P2RX7: variants seen among roughly 807,000 people sequenced by gnomAD.
P2RX7 encodes the protein P2X purinoceptor 7.
P2RX7 carries 62 observed loss-of-function variants against 71.6 expected under a neutral mutation model. The observed-to-expected ratio is 0.87, with a 90% CI of 0.71 to 1.07. The LOEUF is 1.07. Ranked by LOEUF, P2RX7 falls within the 50% of genes least tolerant of loss-of-function variation. The probability of loss-of-function intolerance (pLI) is 0.00; values close to 1 mark genes in which losing one functional copy is unlikely to be tolerated. For missense variants in P2RX7, 686 were observed against 748.5 expected, an observed-to-expected ratio of 0.92 and a Z score of 0.97; for synonymous variants, 299 against 283.3, an observed-to-expected ratio of 1.06 and a Z score of -0.56.
chr12:121,163,597 GTAGATAGATAGATAGA>G (rs3078807), intron 5 of P2RX7, among the ~76,000 whole-genome samples: 4,969 of 130,242 alleles, frequency 0.038, 90 homozygotes, highest in Non-Finnish European at 0.049. Context: ...AGATAGACAG[GTAGATAGATAGATAGA>G]TAGATAGATA....
intron 11 of P2RX7, among the ~76,000 whole-genome samples, chr12:121,179,368 C>CGG: frequency 6.6e-6 from 1 of 151,784 alleles, no homozygotes; most frequent in Non-Finnish European, 1.5e-5. Flanking sequence ...GGCATGGTGG[C>CGG]GCATGCCTGT....
At position 121,149,146 on chromosome 12, in the gene P2RX7, A is replaced by G. The variant is rs1876874331; in HGVS notation, c.126-5639A>G. Reference sequence around the variant, plus strand: ...TGTGACAGTCACTCATATTCAGAGCATGTGGATTGAGACTCTGAAGAACGA... The same window carrying G: ...TGTGACAGTCACTCATATTCAGAGCGTGTGGATTGAGACTCTGAAGAACGA... On this transcript the variant is annotated intron_variant, in intron 1 of 12. Transcript: ENST00000328963. The surrounding 1 kb of genome is among the most constrained non-coding windows in gnomAD (Gnocchi z 4.7). 2.1e-6 allele frequency: 1 copy of G among 485,860 alleles called. No individual in the cohort carries two copies. The allele number at this position is 485,860 out of a possible 1,614,324, so 30.1% of individuals were successfully genotyped here. A position where few individuals can be genotyped will look rare whatever the true frequency, so the allele number is the denominator to read the frequency against.
At chr12:121,160,410 G>A (rs567984133) in intron 3 of P2RX7, among the ~76,000 whole-genome samples, 1 of 152,278 alleles carries the variant, frequency 6.6e-6, no homozygotes, top group East Asian at 1.9e-4. Context: ...GCCTCCCAAA[G>A]TGCTGGGATT....
chr12:121,183,935 T>A (rs949993555), intron 12 of P2RX7, among the ~76,000 whole-genome samples: 4 of 152,052 alleles, frequency 2.6e-5, no homozygotes, highest in African/African-American at 9.7e-5. Flanking sequence ...CATGGTGGCA[T>A]GCACCTGTAA....
In P2RX7 at chr12:121,184,501, A is replaced by C. The variant is rs3751143; in HGVS notation, c.1487A>C (p.Glu496Ala). 294,123 of 1,613,952 alleles carry C rather than the reference A, an allele frequency of 0.18. 28,127 individuals are homozygous for C. Among genetic ancestry groups the C allele is most frequent in the South Asian group, 0.28 (25,646 of 91,066 alleles). Residue 496 changes from glutamate (E) to alanine (A), a missense_variant, in exon 13 of 13, where the codon GAG becomes GCG. Glu to Ala is a moderately radical substitution (Grantham distance 107). Transcript: ENST00000328963. The stretch of plus-strand genomic sequence containing the variant: ...CCTGAGAGCCACAGGTGCCTGGAGG[A>C]GCTGTGCTGCCGGAAAAAGCCGGGG... ...QLPESHRCLE[E>A]LCCRKKPGAC...
chr12:121,155,000 G>A lies in P2RX7; in HGVS notation c.294+47G>A, dbSNP rs746041714. ...CCCAGGCTCGTCGCTGGTCACCGTC[G>A]CCAGGGCCTAGCTCCCTTCCCCTAG... On this transcript the variant is annotated intron_variant, in intron 2 of 12. Coordinates refer to ENST00000328963, the MANE Select transcript of P2RX7 (RefSeq NM_002562.6). This position sits in a 1 kb window ranked among gnomAD's most constrained non-coding sequence, Gnocchi z 4.2. 2.7e-5 allele frequency: 43 copies of A among 1,606,990 alleles called. No homozygotes were observed. In the Middle Eastern group the frequency reaches 1.2e-3, roughly 43 times the overall value.
chr12:121,164,832 C>CG (rs987064060), intron 5 of P2RX7, among the ~76,000 whole-genome samples: 8 of 151,752 alleles, frequency 5.3e-5, no homozygotes, highest in African/African-American at 9.7e-5. Context: ...AAATACTTTA[C>CG]GAAAAAAAAG....
chr12:121,153,413 C>T (rs1877873550), intron 1 of P2RX7, among the ~76,000 whole-genome samples: 1 of 152,176 alleles, frequency 6.6e-6, no homozygotes, highest in African/African-American at 2.4e-5. Context: ...TGTGGTGGCT[C>T]ACACCTGTAA....
chr12:121,145,960 G>A (rs571918597), intron 1 of P2RX7, among the ~76,000 whole-genome samples: 1 of 152,102 alleles, frequency 6.6e-6, no homozygotes, highest in Admixed American at 6.6e-5. Flanking sequence ...GAAGTTGATG[G>A]GATAAATGAA....
chr12:121,154,913 A>C lies in P2RX7; in HGVS notation c.254A>C (p.His85Pro). Residue 85 changes from histidine to proline, a missense_variant, in exon 2 of 13, where the codon CAC becomes CCC. By Grantham distance (77) the His-to-Pro change is moderately conservative (BLOSUM62 -2). Coordinates refer to ENST00000328963, the MANE Select transcript of P2RX7 (RefSeq NM_002562.6). The surrounding 1 kb of genome is among the most constrained non-coding windows in gnomAD (Gnocchi z 4.2). ...GAGAATGGAGTGAAGAAGTTGGTGCACAGTGTCTTTGACACCGCAGACTAC... is the reference window on the plus strand; with the variant it reads ...GAGAATGGAGTGAAGAAGTTGGTGCCCAGTGTCTTTGACACCGCAGACTAC... Reference protein sequence around the residue: ...IVENGVKKLVHSVFDTADYTF... With the variant: ...IVENGVKKLVPSVFDTADYTF... 6.2e-7 allele frequency: 1 copy of C among 1,613,982 alleles called. No individual in the cohort carries two copies. The highest frequency in any genetic ancestry group is 8.5e-7 in the Non-Finnish European group (1 of 1,179,874).
chr12:121,158,840 C>T (rs985209781), intron 3 of P2RX7, among the ~76,000 whole-genome samples: 3 of 152,216 alleles, frequency 2.0e-5, no homozygotes, highest in African/African-American at 7.2e-5. Flanking sequence ...CCATGAGCCA[C>T]AATGAATGAT....
chr12:121,147,685 C>T (rs866252021), intron 1 of P2RX7, among the ~76,000 whole-genome samples: 2 of 152,148 alleles, frequency 1.3e-5, no homozygotes, highest in Non-Finnish European at 2.9e-5. Flanking sequence ...GATCTTGGCT[C>T]ACTGCAACCT....
In P2RX7 at chr12:121,184,386, G is replaced by A. The variant is rs776108304; in HGVS notation, c.1372G>A (p.Glu458Lys). 1.9e-6 allele frequency: 3 copies of A among 1,614,018 alleles called. No individual in the cohort carries two copies. The highest frequency in any genetic ancestry group is 2.5e-6 in the Non-Finnish European group (3 of 1,180,046). Residue 458 changes from glutamate (E) to lysine (K), a missense_variant, in exon 13 of 13, where the codon GAG becomes AAG. Glu to Lys is a moderately conservative substitution (Grantham distance 56, BLOSUM62 1). Coordinates refer to ENST00000328963, the MANE Select transcript of P2RX7 (RefSeq NM_002562.6). ...ACCCCCGATTCCTGGACAACCAGAG[G>A]AGATACAGCTGCTTAGAAAGGAGGC... Reference protein sequence around the residue: ...DTPPIPGQPEEIQLLRKEATP... With the variant: ...DTPPIPGQPEKIQLLRKEATP...
intron 9 of P2RX7, among the ~76,000 whole-genome samples, chr12:121,176,521 G>A (rs12826364): frequency 0.24 from 36,155 of 152,048 alleles, 5,000 homozygotes; most frequent in East Asian, 0.37. Flanking sequence ...GGGAGGCTGA[G>A]GCAGGTGGAT....
At chr12:121,143,446 G>A (rs530034363) in intron 1 of P2RX7, among the ~76,000 whole-genome samples, 1 of 151,906 alleles carries the variant, frequency 6.6e-6, no homozygotes, top group African/African-American at 2.4e-5. Flanking sequence ...CCCAGCTACT[G>A]GGAAGGCTGA....
chr12:121,139,509 G>A lies in P2RX7; in HGVS notation c.125+6414G>A, dbSNP rs150392780. ...GCCTATGCTGTCATTCCTGGGCCCA[G>A]GCTGGCTGTCGCTGTGGAGATGGTG... On this transcript the variant is annotated intron_variant, in intron 1 of 12. Coordinates refer to ENST00000328963, the MANE Select transcript of P2RX7 (RefSeq NM_002562.6). Among the ~76,000 whole-genome samples the A allele has an allele frequency of 4.2e-3, 647 of 152,308 alleles. 4 individuals are homozygous for A. Among genetic ancestry groups the A allele is most frequent in the African/African-American group, 0.014 (597 of 41,568 alleles).
At chr12:121,144,560 G>A (rs1374439866) in intron 1 of P2RX7, among the ~76,000 whole-genome samples, 1 of 152,160 alleles carries the variant, frequency 6.6e-6, no homozygotes, top group Non-Finnish European at 1.5e-5. Context: ...ACTTACCCAA[G>A]GTCATGTAGT....
chr12:121,145,152 G>A (rs1015011360), intron 1 of P2RX7, among the ~76,000 whole-genome samples: 1 of 152,160 alleles, frequency 6.6e-6, no homozygotes, highest in African/African-American at 2.4e-5. Flanking sequence ...CCTAGAACAC[G>A]CCCCAAAGGA....
chr12:121,162,646 A>G (rs919901313), intron 5 of P2RX7, 126 bp downstream of exon 5: 2 of 1,068,156 alleles, frequency 1.9e-6, no homozygotes, highest in Non-Finnish European at 2.7e-6. Flanking sequence ...CGGCTTGGGG[A>G]CCCCTGCGCT....
Sources: gnomAD v4.1 joint callset for allele counts (sites outside exome capture counted in the v4.1 genomes callset) on GRCh38, gnomAD v4.1.1 for gene constraint, Gnocchi (gnomAD v3.1) non-coding constraint, MANE v1.5 for transcripts, NCBI Gene and HGNC (gene_info 2026-07-23, HGNC 2026-07-21) for gene names.